Variants in CCDC171 observed in about 807,000 individuals in gnomAD.
CCDC171 encodes coiled-coil domain-containing protein 171.
A neutral mutation model predicts 168.2 loss-of-function variants in CCDC171; 177 were observed. That is an observed-to-expected ratio of 1.05 (90% CI 0.93 to 1.19). The LOEUF (loss-of-function observed/expected upper bound fraction) is 1.19. Among genes scored for constraint, CCDC171 ranks in the 50% most tolerant of loss-of-function variants. The pLI is 0.00. For missense variants in CCDC171, 1,991 were observed against 1,539.0 expected (o/e 1.29, Z -4.91); for synonymous variants, 687 against 540.8 (o/e 1.27, Z -3.75).
chr9:15,924,265 A>T lies in CCDC171; in HGVS notation c.3753+3843A>T, dbSNP rs111785300. 6.0e-3 allele frequency among the ~76,000 whole-genome samples: 903 copies of T among 151,522 alleles called. 8 individuals are homozygous for T. Among genetic ancestry groups the T allele is most frequent in the Non-Finnish European group, 0.01 (684 of 67,602 alleles). ...TGTTAACCAGTTAATAGTGTGTGCCATAGAAGTCAAATAAGTTTGGATTCA... is the reference window on the plus strand; with the variant it reads ...TGTTAACCAGTTAATAGTGTGTGCCTTAGAAGTCAAATAAGTTTGGATTCA... On this transcript the variant is annotated intron_variant, in intron 25 of 25. Transcript: ENST00000380701.
chr9:15,779,568 C>T (rs1446119752), intron 20 of CCDC171, among the ~76,000 whole-genome samples: 3 of 152,082 alleles, frequency 2.0e-5, no homozygotes, highest in Admixed American at 1.3e-4. Context: ...CCATGTTGGC[C>T]GGGGTGTTCT....
At chr9:16,053,636 G>A (rs971816122) in intron 1 of CCDC171, among the ~76,000 whole-genome samples, 1 of 152,182 alleles carries the variant, frequency 6.6e-6, no homozygotes, top group African/African-American at 2.4e-5. Flanking sequence ...CCTGAGCACG[G>A]CCCCTCTCCA....
At chr9:15,797,481 G>C (rs2058616288) in intron 21 of CCDC171, among the ~76,000 whole-genome samples, 1 of 152,104 alleles carries the variant, frequency 6.6e-6, no homozygotes. Flanking sequence ...CTCCCAAAGT[G>C]CTGAGAATAC....
the CCDC171 span, among the ~76,000 whole-genome samples, chr9:16,081,319 A>G: frequency 1.3e-5 from 2 of 152,204 alleles, no homozygotes; most frequent in African/African-American, 2.4e-5. Context: ...GTCTGGATGC[A>G]TCCAAGCCAT....
intron 3 of CCDC171, among the ~76,000 whole-genome samples, chr9:15,982,059 G>A (rs1280793866): frequency 6.6e-6 from 1 of 152,166 alleles, no homozygotes; most frequent in African/African-American, 2.4e-5. Context: ...CTGGGAGAAT[G>A]CAAACTTCTT....
At chr9:15,894,956 A>G (rs1820714090) in intron 24 of CCDC171, among the ~76,000 whole-genome samples, 2 of 152,100 alleles carry the variant, frequency 1.3e-5, no homozygotes, top group African/African-American at 4.8e-5. Context: ...GGTGCTCAAT[A>G]ATATTTGTTG....
At chr9:15,745,482 A>G (rs2055202515) in intron 17 of CCDC171, 33 bp from the exon 18 acceptor site, 1 of 1,324,844 alleles carries the variant, frequency 7.5e-7, no homozygotes, top group Non-Finnish European at 1.0e-6. Flanking sequence ...AAAGTTTTGT[A>G]GAATTTTACA....
chr9:15,691,320 A>T (rs573170812), intron 10 of CCDC171, among the ~76,000 whole-genome samples: 15 of 151,928 alleles, frequency 9.9e-5, no homozygotes, highest in Non-Finnish European at 1.9e-4. Context: ...TGGAAAAGAA[A>T]GTAATATAAT....
At chr9:15,791,437 A>G (rs1474173095) in intron 21 of CCDC171, among the ~76,000 whole-genome samples, 1 of 152,092 alleles carries the variant, frequency 6.6e-6, no homozygotes, top group African/African-American at 2.4e-5. Context: ...ATTTTTGCAC[A>G]TTGATTTTGT....
At chr9:15,951,295 C>G (rs1391734159) in intron 25 of CCDC171, among the ~76,000 whole-genome samples, 2 of 151,270 alleles carry the variant, frequency 1.3e-5, no homozygotes, top group South Asian at 2.1e-4. Flanking sequence ...CTACAGAACT[C>G]TCCACCCGAA....
chr9:15,585,180 C>T (rs976928357), intron 4 of CCDC171, among the ~76,000 whole-genome samples: 2 of 152,082 alleles, frequency 1.3e-5, no homozygotes, highest in Non-Finnish European at 2.9e-5. Flanking sequence ...AGAAAAAAAC[C>T]TGGCCGTTTC....
In CCDC171 at chr9:15,922,785, T is replaced by C. The variant is rs1363978594; in HGVS notation, c.3753+2363T>C. Among the ~76,000 whole-genome samples, 3 of 151,672 alleles carry C rather than the reference T, an allele frequency of 2.0e-5. 1 individual carries two copies. The East Asian group carries it at 5.8e-4, about 29-fold the overall frequency. On this transcript the variant is annotated intron_variant, in intron 25 of 25. Transcript: ENST00000380701. ...GTAACAGGAGTGAGGTGATATCTCA[T>C]TGTGGTTTTCATTTGCATTTCCCCG...
At chr9:15,594,301 T>C (rs1003644882) in intron 6 of CCDC171, 129 bp downstream of exon 6, 37 of 584,780 alleles carry the variant, frequency 6.3e-5, no homozygotes, top group Middle Eastern at 9.2e-4. Flanking sequence ...GAAGGCCACA[T>C]TTCATTTGCT....
At chr9:15,767,685 C>T (rs983884215) in intron 18 of CCDC171, among the ~76,000 whole-genome samples, 1 of 151,864 alleles carries the variant, frequency 6.6e-6, no homozygotes, top group African/African-American at 2.4e-5. Flanking sequence ...TGGTATTTGA[C>T]ATTGCTGATC....
intron 25 of CCDC171, 68 bp from the exon 26 acceptor site, chr9:15,971,541 A>G: frequency 2.0e-6 from 2 of 987,054 alleles, no homozygotes; most frequent in Non-Finnish European, 1.6e-6. Context: ...TTGCCTGTTT[A>G]TGGTTTTAGG....
At chr9:15,779,948 A>G (rs73418126) in intron 20 of CCDC171, among the ~76,000 whole-genome samples, 6,906 of 152,282 alleles carry the variant, frequency 0.045, 518 homozygotes, top group African/African-American at 0.15. Flanking sequence ...ATGGGAACAT[A>G]GAGTTAAAAG....
chr9:16,032,858 G>T (rs1833387884), intron 6 of CCDC171, among the ~76,000 whole-genome samples: 1 of 152,174 alleles, frequency 6.6e-6, no homozygotes, highest in South Asian at 2.1e-4. Flanking sequence ...GCAGCTGTAG[G>T]GATTTGGCAA....
chr9:15,837,844 T>C (rs2136326863), intron 21 of CCDC171, among the ~76,000 whole-genome samples: 1 of 152,334 alleles, frequency 6.6e-6, no homozygotes, highest in African/African-American at 2.4e-5. Flanking sequence ...ACCAACCCTT[T>C]TAGAAAGCCT....
chr9:15,789,332 A>G (rs939511841), intron 21 of CCDC171, among the ~76,000 whole-genome samples: 16 of 152,200 alleles, frequency 1.1e-4, no homozygotes, highest in Admixed American at 9.2e-4. Flanking sequence ...AGCATTTTAC[A>G]TAAGGGATGC....
Sources: allele counts gnomAD v4.1 joint callset (sites outside exome capture counted in the v4.1 genomes callset), GRCh38; gene constraint gnomAD v4.1.1; transcripts MANE v1.5; gene names NCBI Gene and HGNC (gene_info 2026-07-23, HGNC 2026-07-21).